The following CDV3 variants were observed in gnomAD, a reference collection of about 807,000 sequenced individuals.
CDV3 encodes protein CDV3 homolog.
A neutral mutation model predicts 24.5 loss-of-function variants in CDV3; 14 were observed. That is an observed-to-expected ratio of 0.57 (90% CI 0.38 to 0.89). The LOEUF (loss-of-function observed/expected upper bound fraction) is 0.89, where lower values mean the gene tolerates loss of function less well. Among genes scored for constraint, CDV3 ranks in the 40% least tolerant of loss-of-function variants. The pLI, the probability that CDV3 is intolerant of heterozygous loss-of-function variation, is 0.00. For synonymous variants in CDV3, 114 were observed against 114.1 expected (o/e 1.00, Z 0.00); for missense variants, 304 against 310.2 (o/e 0.98, Z 0.15).
At position 133,575,086 on chromosome 3, in the gene CDV3, C is replaced by T; in HGVS notation, c.288C>T (p.Ser96=). ...KELEQKEVDY[S]GLRVQAMQIS... ...TGGAGCAAAAAGAGGTTGATTACAG[C>T]GGCCTCAGGGTTCAGGCAATGCAAA... The change falls in exon 2 of 5, where the codon AGC becomes AGT. Residue 96 remains serine (S), a synonymous_variant. Coordinates refer to ENST00000264993, the MANE Select transcript of CDV3 (RefSeq NM_017548.5). 6.2e-7 allele frequency: 1 copy of T among 1,600,416 alleles called. No homozygotes were observed. The highest frequency in any genetic ancestry group is 8.6e-7 in the Non-Finnish European group (1 of 1,167,558).
Position 133,588,201 on chromosome 3 carries a change from A to G in CDV3, c.*155A>G. 3 of 1,527,224 alleles carry G rather than the reference A, an allele frequency of 2.0e-6. No individual in the cohort carries two copies. The South Asian group carries it at 3.8e-5, about 19-fold the overall frequency. The allele number at this position is 1,527,224 out of a possible 1,614,324, so 94.6% of individuals were successfully genotyped here. A position where few individuals can be genotyped will look rare whatever the true frequency, so the allele number is the denominator to read the frequency against. Reference sequence around the variant, plus strand: ...ATTGCACTATGGAAGTTAAAGTGTCACGACTGCTCTATGCATATTGGATTT... The same window carrying G: ...ATTGCACTATGGAAGTTAAAGTGTCGCGACTGCTCTATGCATATTGGATTT... On this transcript the variant is annotated 3_prime_UTR_variant, in exon 5 of 5. Transcript: ENST00000264993.
At position 133,588,074 on chromosome 3, in the gene CDV3, G is replaced by A. The variant is rs967276679; in HGVS notation, c.*28G>A. 3.1e-6 allele frequency: 5 copies of A among 1,602,998 alleles called. No homozygotes were observed. The highest frequency in any genetic ancestry group is 2.7e-5 in the African/African-American group (2 of 74,226). Reference sequence around the variant, plus strand: ...AATGGGCTTTGCTAACCCTTCTGAGGTAACTAGACTGCAGCTAACCACCAC... The same window carrying A: ...AATGGGCTTTGCTAACCCTTCTGAGATAACTAGACTGCAGCTAACCACCAC... On this transcript the variant is annotated 3_prime_UTR_variant, in exon 5 of 5. Coordinates refer to ENST00000264993, the MANE Select transcript of CDV3 (RefSeq NM_017548.5).
rs116415715 is a variant in CDV3 at position 133,581,607 on chromosome 3, G to C, written c.318-2395G>C. 5.5e-3 allele frequency among the ~76,000 whole-genome samples: 837 copies of C among 152,238 alleles called. 7 individuals carry two copies. Among genetic ancestry groups the C allele is most frequent in the African/African-American group, 0.019 (795 of 41,538 alleles). ...GGAAATTGAGGTATAAAGAAATGAA[G>C]TGCCATGTTCAAAGTTTCCTGGCTG... On this transcript the variant is annotated intron_variant, in intron 2 of 4. Coordinates refer to ENST00000264993, the MANE Select transcript of CDV3 (RefSeq NM_017548.5).
In CDV3 at chr3:133,588,875, C is replaced by CT. The variant is rs1448002818; in HGVS notation, c.*832dup. ...TTGTTCTGCATTAAGGCCTTTTTTGCTTTGACTTGAAATAAGTTCTTTGAC... is the reference window on the plus strand; with the variant it reads ...TTGTTCTGCATTAAGGCCTTTTTTGCTTTTGACTTGAAATAAGTTCTTTGAC... On this transcript the variant is annotated 3_prime_UTR_variant, in exon 5 of 5. Transcript: ENST00000264993. 2 of 151,562 alleles carry CT rather than the reference C, an allele frequency of 1.3e-5. No homozygotes were observed. The highest frequency in any genetic ancestry group is 4.9e-5 in the African/African-American group (2 of 40,702). 9.4% of individuals were successfully genotyped at this position (151,562 alleles called of 1,614,324 possible). A position where few individuals can be genotyped will look rare whatever the true frequency, so the allele number is the denominator to read the frequency against.
chr3:133,574,259 G>T lies in CDV3; in HGVS notation c.215G>T (p.Gly72Val). ...GCCAGCGCGGGGGCTGCGGGCCCAG[G>T]GGCCGCCACCAAGGCTGTGACGAAG... is the stretch of plus-strand genomic sequence containing the variant. ...GTASAGAAGPGAATKAVTKDE... is the reference protein window; with the variant it reads ...GTASAGAAGPVAATKAVTKDE... The change falls in exon 1 of 5, where the codon GGG becomes GTG. Residue 72 changes from glycine (G) to valine (V), a missense_variant. Around this residue, in one of 3 missense-constraint regions of CDV3, gnomAD observed 219 missense variants for 203.6 expected, o/e 1.08. Transcript: ENST00000264993. The T allele has an allele frequency of 1.0e-6, 1 of 989,180 alleles. No individual in the cohort carries two copies. The highest frequency in any genetic ancestry group is 1.2e-6 in the Non-Finnish European group (1 of 833,056). 61.3% of individuals were successfully genotyped at this position (989,180 alleles called of 1,614,324 possible).
At chr3:133,583,971 C>G in intron 2 of CDV3, 31 bp from the exon 3 acceptor site, 1 of 1,559,030 alleles carries the variant, frequency 6.4e-7, no homozygotes, top group Non-Finnish European at 8.7e-7. Flanking sequence ...CTTGGTGATT[C>G]CTTAATGAAT....
chr3:133,586,151 A>G (rs976888376), intron 3 of CDV3, among the ~76,000 whole-genome samples: 7 of 152,100 alleles, frequency 4.6e-5, no homozygotes, highest in Non-Finnish European at 1.0e-4. Flanking sequence ...GCTGGAGTGC[A>G]GTGGCTCAAT....
Position 133,577,992 on chromosome 3 carries a change from C to CT in CDV3, c.317+2878dup, listed in dbSNP as rs375550512. Among the ~76,000 whole-genome samples, 948 of 152,186 alleles carry CT rather than the reference C, an allele frequency of 6.2e-3. 2 individuals carry two copies. The highest frequency in any genetic ancestry group is 0.021 in the African/African-American group (875 of 41,518). On this transcript the variant is annotated intron_variant, in intron 2 of 4. Coordinates refer to ENST00000264993, the MANE Select transcript of CDV3 (RefSeq NM_017548.5). ...TAGGCCCTGTAGGCCTCTTTCATCT[C>CT]TATTTTTTCATTTTTTTGAGACAGT...
In CDV3 at chr3:133,589,991, G is replaced by A. The variant is rs1003418673; in HGVS notation, c.*1945G>A. 1 of 152,220 alleles carries A rather than the reference G, an allele frequency of 6.6e-6. No individual in the cohort carries two copies. Among genetic ancestry groups the A allele is most frequent in the Non-Finnish European group, 1.5e-5 (1 of 68,046 alleles). 9.4% of individuals were successfully genotyped at this position (152,220 alleles called of 1,614,324 possible). A position where few individuals can be genotyped will look rare whatever the true frequency, so the allele number is the denominator to read the frequency against. Reference sequence around the variant, plus strand: ...AAATTTTGTTGGGGGTTATGTTACTGAAGAATGAACAGATGAGTAAGTGGA... The same window carrying A: ...AAATTTTGTTGGGGGTTATGTTACTAAAGAATGAACAGATGAGTAAGTGGA... On this transcript the variant is annotated 3_prime_UTR_variant, in exon 5 of 5. Transcript: ENST00000264993.
At chr3:133,583,160 T>C (rs551296610) in intron 2 of CDV3, among the ~76,000 whole-genome samples, 4 of 152,344 alleles carry the variant, frequency 2.6e-5, no homozygotes, top group South Asian at 4.1e-4. Context: ...TGAGATCTTA[T>C]ATATTTTTTT....
chr3:133,574,156 G>T lies in CDV3; in HGVS notation c.112G>T (p.Ala38Ser). The T allele has an allele frequency of 8.7e-7, 1 of 1,154,792 alleles. No homozygotes were observed. Among genetic ancestry groups the T allele is most frequent in the Non-Finnish European group, 1.1e-6 (1 of 920,176 alleles). 71.5% of individuals were successfully genotyped at this position (1,154,792 alleles called of 1,614,324 possible). A position where few individuals can be genotyped will look rare whatever the true frequency, so the allele number is the denominator to read the frequency against. ...AASAAGAAGS[A>S]GGSSGAAGAA... ...GAGTGCCGCGGGCGCAGCGGGCAGCGCCGGCGGAAGCAGTGGAGCCGCGGG... is the reference window on the plus strand; with the variant it reads ...GAGTGCCGCGGGCGCAGCGGGCAGCTCCGGCGGAAGCAGTGGAGCCGCGGG... Residue 38 changes from alanine (A) to serine (S), a missense_variant, in exon 1 of 5, where the codon GCC (alanine) becomes TCC (serine). Physicochemically the swap from Ala to Ser is moderately conservative, Grantham distance 99. This residue lies in a region of CDV3 where 219 missense variants were observed against 203.6 expected (regional missense o/e 1.08). Transcript: ENST00000264993.
rs199960057 is a variant in CDV3 at position 133,586,536 on chromosome 3, T to C, written c.467-27T>C. The C allele has an allele frequency of 3.1e-6, 4 of 1,270,160 alleles. No homozygotes were observed. In the South Asian group the frequency reaches 5.1e-5, roughly 16 times the overall value. The allele number at this position is 1,270,160 out of a possible 1,614,324, so 78.7% of individuals were successfully genotyped here. On this transcript the variant is annotated intron_variant, in intron 3 of 4. Coordinates refer to ENST00000264993, the MANE Select transcript of CDV3 (RefSeq NM_017548.5). ...TAAAATGCTGAGCATTTAAATAGTT[T>C]ATCTAAAAATTGTTATAAAATATTA...
intron 2 of CDV3, among the ~76,000 whole-genome samples, chr3:133,578,226 G>A (rs1054083104): frequency 6.6e-6 from 1 of 152,094 alleles, no homozygotes; most frequent in East Asian, 1.9e-4. Flanking sequence ...GGCCGCAAGT[G>A]ATCTCAAAGC....
Position 133,584,073 on chromosome 3 carries a change from G to A in CDV3, c.389G>A (p.Gly130Asp). Reference protein sequence around the residue: ...PGDNWEEGGGGGGGMEKSSGP... With the variant: ...PGDNWEEGGGDGGGMEKSSGP... ...GATAACTGGGAAGAAGGTGGAGGTG[G>A]TGGTGGAGGTATGGAAAAATCTTCA... is the stretch of plus-strand genomic sequence containing the variant. Residue 130 changes from glycine to aspartate, a missense_variant, in exon 3 of 5, where the codon GGT (glycine) becomes GAT (aspartate). Gly to Asp is a moderately conservative substitution (Grantham distance 94). This residue lies in a region of CDV3 where 219 missense variants were observed against 203.6 expected (regional missense o/e 1.08). Transcript: ENST00000264993. 6.2e-7 allele frequency: 1 copy of A among 1,610,194 alleles called. No homozygotes were observed. The highest frequency in any genetic ancestry group is 8.5e-7 in the Non-Finnish European group (1 of 1,176,490).
chr3:133,584,377 T>G (rs574803302), intron 3 of CDV3, among the ~76,000 whole-genome samples: 1 of 152,306 alleles, frequency 6.6e-6, no homozygotes, highest in African/African-American at 2.4e-5. Context: ...GCTGTAAAAT[T>G]TATATAGATA....
intron 2 of CDV3, among the ~76,000 whole-genome samples, chr3:133,579,880 A>G (rs914861126): frequency 6.6e-6 from 1 of 152,206 alleles, no homozygotes; most frequent in African/African-American, 2.4e-5. Flanking sequence ...GGCATGAGCC[A>G]CTGCGCCCGG....
chr3:133,583,039 C>A (rs1933208506), intron 2 of CDV3, among the ~76,000 whole-genome samples: 1 of 152,120 alleles, frequency 6.6e-6, no homozygotes, highest in African/African-American at 2.4e-5. Flanking sequence ...TGACTCAAGT[C>A]AATTCAAGAA....
rs768074322 is a variant in CDV3, at chr3:133,588,028, C to G, written c.759C>G (p.Ser253Arg). Reference protein sequence around the residue: ...QYAVLENQKSSHSQYN With the variant: ...QYAVLENQKSRHSQYN The stretch of plus-strand genomic sequence containing the variant: ...CTGTGCTTGAAAATCAGAAAAGCAG[C>G]CACTCACAATACAATTAAGGAATGG... Residue 253 changes from serine to arginine, a missense_variant, in exon 5 of 5, where the codon AGC (serine) becomes AGG (arginine). Ser to Arg is a moderately radical substitution (Grantham distance 110). Around this residue, in one of 3 missense-constraint regions of CDV3, gnomAD observed 56 missense variants for 50.9 expected, o/e 1.10. Transcript: ENST00000264993. The G allele has an allele frequency of 3.7e-6, 6 of 1,613,554 alleles. No homozygotes were observed. Among genetic ancestry groups the G allele is most frequent in the Admixed American group, 3.3e-5 (2 of 59,806 alleles).
Position 133,574,204 on chromosome 3 carries a change from G to T in CDV3, c.160G>T (p.Ala54Ser). Reference protein sequence around the residue: ...AAGAAGGGAGAGTRPGDGGTA... With the variant: ...AAGAAGGGAGSGTRPGDGGTA... ...GGGTGCGGCGGGCGGCGGGGCGGGC[G>T]CGGGGACCCGGCCGGGTGACGGCGG... The change falls in exon 1 of 5, where the codon GCG (alanine) becomes TCG (serine). Residue 54 changes from alanine (A) to serine (S), a missense_variant. Around this residue, in one of 3 missense-constraint regions of CDV3, gnomAD observed 219 missense variants for 203.6 expected, o/e 1.08. Transcript: ENST00000264993. 1 of 1,014,484 alleles carries T rather than the reference G, an allele frequency of 9.9e-7. No homozygotes were observed. The highest frequency in any genetic ancestry group is 1.2e-6 in the Non-Finnish European group (1 of 853,324). The allele number at this position is 1,014,484 out of a possible 1,614,324, so 62.8% of individuals were successfully genotyped here.
Sources: allele counts gnomAD v4.1 joint callset (sites outside exome capture counted in the v4.1 genomes callset), GRCh38; gene constraint gnomAD v4.1.1; regional missense constraint gnomAD v4.1.1; transcripts MANE v1.5; gene names NCBI Gene and HGNC (gene_info 2026-07-23, HGNC 2026-07-21).